Variants in DLG2 observed in about 807,000 individuals in gnomAD.
The protein encoded by DLG2 is discs large MAGUK scaffold protein 2.
A neutral mutation model predicts 132.5 loss-of-function variants in DLG2; 45 were observed. The ratio of observed to expected loss-of-function variants is 0.34; its 90% CI spans 0.27 to 0.44. The LOEUF is 0.44. Among genes scored for constraint, DLG2 ranks in the 20% least tolerant of loss-of-function variants. The pLI, the probability that DLG2 is intolerant of heterozygous loss-of-function variation, is 1.00. For synonymous variants in DLG2, 424 were observed against 419.6 expected, an observed-to-expected ratio of 1.01 and a Z score of -0.13; for missense variants, 1,045 against 1,196.9, an observed-to-expected ratio of 0.87 and a Z score of 1.87.
chr11:84,743,600 G>A (rs1419091797), intron 6 of DLG2, among the ~76,000 whole-genome samples: 1 of 152,100 alleles, frequency 6.6e-6, no homozygotes, highest in Non-Finnish European at 1.5e-5. Flanking sequence ...CTTACATGAC[G>A]ATGTGAGAAA....
At chr11:84,765,495 T>C (rs1366878103) in intron 6 of DLG2, among the ~76,000 whole-genome samples, 1 of 152,106 alleles carries the variant, frequency 6.6e-6, no homozygotes, top group African/African-American at 2.4e-5. Flanking sequence ...TCCTGGATCA[T>C]GTCCTGTCAC....
rs551879040 is a variant in DLG2 at position 85,103,803 on chromosome 11, A to T, written c.357+7858T>A. Among the ~76,000 whole-genome samples the T allele has an allele frequency of 2.6e-5, 4 of 151,986 alleles. No homozygotes were observed. The East Asian group carries it at 7.7e-4, about 29-fold the overall frequency. ...AAGATAACCCACAGAACAGGAGAAA[A>T]TATCTGCAGATCACATATCTGATAA... On this transcript the variant is annotated intron_variant, in intron 6 of 27. Transcript: ENST00000376104.
intron 7 of DLG2, among the ~76,000 whole-genome samples, chr11:84,492,932 A>C (rs2099169127): frequency 6.6e-6 from 1 of 152,160 alleles, no homozygotes; most frequent in Admixed American, 6.6e-5. Context: ...ATATAATAAT[A>C]TCATATTTCT....
chr11:84,530,736 A>G (rs540717550), intron 7 of DLG2, among the ~76,000 whole-genome samples: 1 of 152,328 alleles, frequency 6.6e-6, no homozygotes, highest in Admixed American at 6.5e-5. Context: ...ATAACTTAAA[A>G]CAGAACTGTC....
chr11:83,994,905 A>T (rs770043887), intron 11 of DLG2, among the ~76,000 whole-genome samples: 4 of 151,708 alleles, frequency 2.6e-5, no homozygotes, highest in Non-Finnish European at 4.4e-5. Context: ...TCCTTATCTC[A>T]TAGATGCATC....
chr11:83,675,848 C>T (rs992494584), intron 18 of DLG2, among the ~76,000 whole-genome samples: 1 of 152,180 alleles, frequency 6.6e-6, no homozygotes, highest in African/African-American at 2.4e-5. Context: ...CTTCTTTCTT[C>T]TCCCCTAGCA....
chr11:83,536,646 T>C (rs984266305), intron 20 of DLG2, among the ~76,000 whole-genome samples: 1 of 152,098 alleles, frequency 6.6e-6, no homozygotes, highest in Non-Finnish European at 1.5e-5. Context: ...CACTAAGTTT[T>C]AGAAACTGTG....
chr11:85,377,573 A>G (rs1237115650), intron 3 of DLG2, among the ~76,000 whole-genome samples: 1 of 152,080 alleles, frequency 6.6e-6, no homozygotes, highest in Non-Finnish European at 1.5e-5. Flanking sequence ...TCTGTTGTAT[A>G]TACTCTAGGG....
chr11:85,128,295 C>T (rs572447583), intron 5 of DLG2, among the ~76,000 whole-genome samples: 1 of 151,984 alleles, frequency 6.6e-6, no homozygotes, highest in Non-Finnish European at 1.5e-5. Context: ...TCACCCACTA[C>T]TACTATTTAA....
At chr11:83,778,510 GT>G (rs2094678993) in intron 18 of DLG2, among the ~76,000 whole-genome samples, 1 of 152,082 alleles carries the variant, frequency 6.6e-6, no homozygotes. Flanking sequence ...CGGAATGAAA[GT>G]TTTTATGGGG....
rs11821732 is a variant in DLG2 at position 83,819,158 on chromosome 11, A to G, written c.1722+14456T>C. On this transcript the variant is annotated intron_variant, in intron 17 of 27. Transcript: ENST00000376104. The stretch of plus-strand genomic sequence containing the variant: ...GGGAGTTCCCGCTCAGCATGGAGGC[A>G]GACCCTCCGCCAAATGAAAGAAAAA... 1.1e-3 allele frequency among the ~76,000 whole-genome samples: 167 copies of G among 152,246 alleles called. 1 individual carries two copies. Among genetic ancestry groups the G allele is most frequent in the African/African-American group, 3.9e-3 (162 of 41,556 alleles).
At chr11:83,639,654 G>A (rs1417339354) in intron 18 of DLG2, among the ~76,000 whole-genome samples, 3 of 151,986 alleles carry the variant, frequency 2.0e-5, no homozygotes, top group Non-Finnish European at 2.9e-5. Context: ...TATACCTAAT[G>A]TTAAATGACG....
chr11:85,117,292 T>C (rs1046478528), intron 5 of DLG2, among the ~76,000 whole-genome samples: 2 of 152,044 alleles, frequency 1.3e-5, no homozygotes, highest in African/African-American at 2.4e-5. Flanking sequence ...GCCAGACATT[T>C]TCTGGCTGCG....
At chr11:84,503,982 T>G (rs2099230676) in intron 7 of DLG2, among the ~76,000 whole-genome samples, 3 of 152,228 alleles carry the variant, frequency 2.0e-5, no homozygotes, top group African/African-American at 7.2e-5. Context: ...TTTGAAAATC[T>G]GTCATGTCCA....
At chr11:83,577,325 G>T (rs1324168905) in intron 19 of DLG2, among the ~76,000 whole-genome samples, 1 of 149,258 alleles carries the variant, frequency 6.7e-6, no homozygotes, top group Non-Finnish European at 1.5e-5. Context: ...TATCTTATTA[G>T]TTCTAATAGG....
chr11:84,811,313 G>A (rs2076535139), intron 6 of DLG2, among the ~76,000 whole-genome samples: 1 of 152,072 alleles, frequency 6.6e-6, no homozygotes, highest in Non-Finnish European at 1.5e-5. Flanking sequence ...AAAAAGAGGG[G>A]AGCAAGAGGA....
chr11:84,508,225 T>C (rs1322873959), intron 7 of DLG2, among the ~76,000 whole-genome samples: 3 of 152,142 alleles, frequency 2.0e-5, no homozygotes, highest in Non-Finnish European at 4.4e-5. Context: ...TACTTTGTCT[T>C]CTTCATATGC....
chr11:84,004,827 A>C (rs922639536), intron 11 of DLG2, among the ~76,000 whole-genome samples: 2 of 151,874 alleles, frequency 1.3e-5, no homozygotes, highest in African/African-American at 2.4e-5. Flanking sequence ...AAGAATTAAC[A>C]TAATTAAAAT....
rs138392192 is a variant in DLG2 at position 85,159,361 on chromosome 11, T to C, written c.187-4710A>G. On this transcript the variant is annotated intron_variant, in intron 4 of 27. Transcript: ENST00000376104. ...TGGCAGAACCTCCACATTGGCTCCA[T>C]GACTGGTAGAGTGAGGGCTATTATG... 3.7e-3 allele frequency among the ~76,000 whole-genome samples: 561 copies of C among 152,312 alleles called. 3 individuals carry two copies. Among genetic ancestry groups the C allele is most frequent in the African/African-American group, 0.013 (551 of 41,558 alleles).
Sources: allele counts gnomAD v4.1 joint callset (sites outside exome capture counted in the v4.1 genomes callset), GRCh38; gene constraint gnomAD v4.1.1; transcripts MANE v1.5; gene names NCBI Gene and HGNC (gene_info 2026-07-23, HGNC 2026-07-21).